KCNN2: variants seen among roughly 807,000 people sequenced by gnomAD.
KCNN2 encodes small conductance calcium-activated potassium channel protein 2.
A neutral mutation model predicts 55.5 loss-of-function variants in KCNN2; 24 were observed. The observed-to-expected ratio is 0.43, with a 90% confidence interval of 0.31 to 0.61. The LOEUF is 0.61. Among genes scored for constraint, KCNN2 ranks in the 20% least tolerant of loss-of-function variants. KCNN2 has a pLI of 0.08. For missense variants in KCNN2, 754 were observed against 853.6 expected (o/e 0.88, Z 1.45); for synonymous variants, 431 against 336.1 (o/e 1.28, Z -3.09).
At chr5:114,410,693 G>C (rs1448705785) in intron 3 of KCNN2, among the ~76,000 whole-genome samples, 1 of 152,028 alleles carries the variant, frequency 6.6e-6, no homozygotes, top group African/African-American at 2.4e-5. Flanking sequence ...GAGAGCAAAG[G>C]TGAGTTAGGT....
intron 1 of KCNN2, among the ~76,000 whole-genome samples, chr5:114,188,573 G>A (rs1282222448): frequency 2.6e-5 from 4 of 152,092 alleles, no homozygotes; most frequent in African/African-American, 7.2e-5. Context: ...AGAACATTCC[G>A]AGTTCATACA....
intron 1 of KCNN2, among the ~76,000 whole-genome samples, chr5:114,104,855 A>G (rs1751448035): frequency 6.6e-6 from 1 of 151,918 alleles, no homozygotes; most frequent in South Asian, 2.1e-4. Context: ...AAAAATGTTT[A>G]GGCAGGGTTC....
chr5:114,261,433 G>A (rs1380256678), intron 2 of KCNN2, among the ~76,000 whole-genome samples: 6 of 152,156 alleles, frequency 3.9e-5, no homozygotes, highest in African/African-American at 1.4e-4. Flanking sequence ...AGGATTCAGT[G>A]AGAAGGAAGG....
chr5:114,220,979 A>G (rs1754126267), intron 1 of KCNN2, among the ~76,000 whole-genome samples: 1 of 152,256 alleles, frequency 6.6e-6, no homozygotes, highest in South Asian at 2.1e-4. Flanking sequence ...TTTCTTCTGA[A>G]TTGAAGGAAG....
intron 2 of KCNN2, among the ~76,000 whole-genome samples, chr5:114,325,849 G>A (rs1756704527): frequency 6.6e-6 from 1 of 152,188 alleles, no homozygotes; most frequent in African/African-American, 2.4e-5. Context: ...GGGGAATAGA[G>A]TAAATTTCCA....
intron 3 of KCNN2, among the ~76,000 whole-genome samples, chr5:114,427,581 A>G (rs1000857208): frequency 1.3e-5 from 2 of 152,206 alleles, no homozygotes; most frequent in Non-Finnish European, 2.9e-5. Context: ...AGCAGTTTAC[A>G]CCATTTGGTG....
intron 2 of KCNN2, among the ~76,000 whole-genome samples, chr5:114,235,975 G>A (rs1001579659): frequency 7.2e-5 from 11 of 152,268 alleles, no homozygotes; most frequent in Non-Finnish European, 1.0e-4. Context: ...GCTATGCAGC[G>A]ATCAGTGAGA....
chr5:114,207,243 C>G (rs1046847405), intron 1 of KCNN2, among the ~76,000 whole-genome samples: 1 of 152,188 alleles, frequency 6.6e-6, no homozygotes, highest in Non-Finnish European at 1.5e-5. Flanking sequence ...TCATGTTGTT[C>G]ATTTTATTCT....
chr5:114,424,450 T>C (rs192963626), intron 3 of KCNN2, among the ~76,000 whole-genome samples: 3 of 152,370 alleles, frequency 2.0e-5, no homozygotes, highest in Admixed American at 1.3e-4. Context: ...CTGAAATTCA[T>C]CTCAAATACC....
intron 5 of KCNN2, among the ~76,000 whole-genome samples, chr5:114,478,014 A>C (rs1455400861): frequency 1.3e-5 from 2 of 152,198 alleles, no homozygotes; most frequent in Non-Finnish European, 1.5e-5. Flanking sequence ...AACACATTAA[A>C]ATGAATCACT....
At chr5:114,479,963 A>C (rs1300570282) in intron 5 of KCNN2, among the ~76,000 whole-genome samples, 2 of 152,036 alleles carry the variant, frequency 1.3e-5, no homozygotes, top group Non-Finnish European at 2.9e-5. Context: ...CATCTGGAGA[A>C]CCAAGAACAA....
intron 2 of KCNN2, among the ~76,000 whole-genome samples, chr5:114,257,374 T>C (rs1755005394): frequency 1.3e-5 from 2 of 152,160 alleles, no homozygotes; most frequent in African/African-American, 2.4e-5. Context: ...TTTAGGATTT[T>C]TTTTTTATTC....
rs369748913 is a variant in KCNN2, at chr5:114,259,625, TA to T, written c.-185+38070del. On this transcript the variant is annotated intron_variant, in intron 2 of 10. Transcript: ENST00000512097. ...CGTAAAACTTAAAGTATAATAATAATAAAAAAAAAAGTCCTCAAATCACAGC... is the reference window on the plus strand; with the variant it reads ...CGTAAAACTTAAAGTATAATAATAATAAAAAAAAAGTCCTCAAATCACAGC... 9.7e-3 allele frequency among the ~76,000 whole-genome samples: 1,429 copies of T among 147,552 alleles called. 29 individuals are homozygous for T. The highest frequency in any genetic ancestry group is 0.032 in the African/African-American group (1,276 of 40,184).
Position 114,493,458 on chromosome 5 carries a change from G to A in KCNN2, c.2074G>A (p.Val692Met), listed in dbSNP as rs748642045. The change falls in exon 7 of 8, where the codon GTG becomes ATG. Residue 692 changes from valine to methionine, a missense_variant. Physicochemically the swap from Val to Met is conservative, Grantham distance 21. Around this residue, in one of 4 missense-constraint regions of KCNN2, gnomAD observed 164 missense variants for 156.6 expected, o/e 1.05. Transcript: ENST00000673685. ...ACTGAATGACCAAGCAAACACTTTGGTGGACTTGGCAAAGGTAAGCCTGAG... is the reference window on the plus strand; with the variant it reads ...ACTGAATGACCAAGCAAACACTTTGATGGACTTGGCAAAGGTAAGCCTGAG... ...RKLNDQANTL[V>M]DLAKTQNIMY... The A allele has an allele frequency of 2.5e-6, 4 of 1,610,576 alleles. No individual in the cohort carries two copies. In the Admixed American group the frequency reaches 5.0e-5, roughly 20 times the overall value.
intron 3 of KCNN2, among the ~76,000 whole-genome samples, chr5:114,418,418 C>G (rs1360629958): frequency 1.3e-5 from 2 of 152,216 alleles, no homozygotes; most frequent in African/African-American, 2.4e-5. Flanking sequence ...TGAAACCCTT[C>G]TGTGTGTTCA....
At chr5:114,330,419 T>G (rs1022653746) in intron 2 of KCNN2, among the ~76,000 whole-genome samples, 1 of 152,232 alleles carries the variant, frequency 6.6e-6, no homozygotes, top group African/African-American at 2.4e-5. Context: ...ACATACTTAT[T>G]ACATTTCTGA....
At chr5:114,253,216 T>C (rs1056083022) in intron 2 of KCNN2, among the ~76,000 whole-genome samples, 8 of 150,850 alleles carry the variant, frequency 5.3e-5, no homozygotes, top group African/African-American at 2.0e-4. Context: ...GACCTAGATA[T>C]TTCTCCTAGT....
chr5:114,331,436 T>C (rs2150033197), intron 2 of KCNN2, among the ~76,000 whole-genome samples: 1 of 152,322 alleles, frequency 6.6e-6, no homozygotes, highest in Non-Finnish European at 1.5e-5. Flanking sequence ...TGGGGACATG[T>C]TGGCATTTTC....
intron 1 of KCNN2, among the ~76,000 whole-genome samples, chr5:114,064,875 G>C (rs1252517052): frequency 6.6e-6 from 1 of 152,156 alleles, no homozygotes; most frequent in East Asian, 1.9e-4. Flanking sequence ...AGTGAACAAA[G>C]ATGTGGTAGC....
Sources: allele counts gnomAD v4.1 joint callset (sites outside exome capture counted in the v4.1 genomes callset), GRCh38; gene constraint gnomAD v4.1.1; regional missense constraint gnomAD v4.1.1; transcripts MANE v1.5; gene names NCBI Gene and HGNC (gene_info 2026-07-23, HGNC 2026-07-21).